The following ESRRB variants were observed in gnomAD, a reference collection of about 807,000 sequenced individuals.
The protein encoded by ESRRB is steroid hormone receptor ERR2.
Under a neutral mutation model 46.0 loss-of-function variants are expected in ESRRB, and 16 were observed. That is an observed-to-expected ratio of 0.35 (90% CI 0.24 to 0.53). The LOEUF is 0.53. Ranked by LOEUF, ESRRB falls within the 20% of genes least tolerant of loss-of-function variation. The pLI, the probability that ESRRB is intolerant of heterozygous loss-of-function variation, is 0.93. For synonymous variants in ESRRB, 246 were observed against 259.6 expected (o/e 0.95, Z 0.50); for missense variants, 488 against 607.4 (o/e 0.80, Z 2.07).
chr14:76,386,383 A>G (rs1382664223), intron 1 of ESRRB, among the ~76,000 whole-genome samples: 1 of 152,106 alleles, frequency 6.6e-6, no homozygotes, highest in Non-Finnish European at 1.5e-5. Flanking sequence ...GTCTGATAAG[A>G]AACACATTGC....
chr14:76,482,535 G>T lies in ESRRB; in HGVS notation c.689-63G>T. ...CAACTTTGCTTCCTGACCCATCTGA[G>T]CCTCCACCCCGGCCCCTTTCCTCTT... On this transcript the variant is annotated intron_variant, in intron 4 of 6. Transcript: ENST00000644823. This position sits in a 1 kb window ranked among gnomAD's most constrained non-coding sequence, Gnocchi z 4.3. 6.3e-7 allele frequency: 1 copy of T among 1,594,120 alleles called. No individual in the cohort carries two copies. Among genetic ancestry groups the T allele is most frequent in the Non-Finnish European group, 8.6e-7 (1 of 1,163,018 alleles).
intron 1 of ESRRB, among the ~76,000 whole-genome samples, chr14:76,332,760 A>T (rs756710154): frequency 5.0e-3 from 21 of 4,224 alleles, no homozygotes; most frequent in South Asian, 0.017. Flanking sequence ...ATTATATATA[A>T]ATATATAATA....
intron 1 of ESRRB, among the ~76,000 whole-genome samples, chr14:76,436,182 C>T (rs1310540536): frequency 5.3e-5 from 8 of 152,172 alleles, no homozygotes; most frequent in Non-Finnish European, 7.3e-5. Context: ...AGCAAACCGC[C>T]GCCTGCTCTG....
chr14:76,376,308 C>G lies in ESRRB; in HGVS notation c.-94C>G. Reference sequence around the variant, plus strand: ...CGTTCTCGCGCTCACTGTGCCCTGCCCGGGCTCGCACCTTGCCCGTGCCCT... The same window carrying G: ...CGTTCTCGCGCTCACTGTGCCCTGCGCGGGCTCGCACCTTGCCCGTGCCCT... On this transcript the variant is annotated 5_prime_UTR_variant, in exon 1 of 7. Coordinates refer to ENST00000644823, the MANE Select transcript of ESRRB (RefSeq NM_001379180.1). This position sits in a 1 kb window ranked among gnomAD's most constrained non-coding sequence, Gnocchi z 4.1. The G allele has an allele frequency of 5.9e-6, 6 of 1,009,778 alleles. No individual in the cohort carries two copies. Among genetic ancestry groups the G allele is most frequent in the Non-Finnish European group, 7.6e-6 (6 of 785,538 alleles). The allele number at this position is 1,009,778 out of a possible 1,614,324, so 62.6% of individuals were successfully genotyped here.
chr14:76,430,890 C>T (rs188638537), intron 1 of ESRRB, among the ~76,000 whole-genome samples: 17 of 152,336 alleles, frequency 1.1e-4, no homozygotes, highest in Middle Eastern at 3.4e-3. Context: ...GATTCTACCC[C>T]ATAGAGGAAA....
intron 1 of ESRRB, among the ~76,000 whole-genome samples, chr14:76,390,762 T>A (rs1885435388): frequency 6.6e-6 from 1 of 152,142 alleles, no homozygotes; most frequent in South Asian, 2.1e-4. Flanking sequence ...GTAAAAACCA[T>A]GAATTTTCCA....
chr14:76,350,131 C>A (rs1237157026), intron 1 of ESRRB, among the ~76,000 whole-genome samples: 1 of 152,120 alleles, frequency 6.6e-6, no homozygotes, highest in Non-Finnish European at 1.5e-5. Flanking sequence ...GGGGAGGTTC[C>A]CATGAAGGGC....
At chr14:76,398,502 A>G (rs1027492971) in intron 1 of ESRRB, among the ~76,000 whole-genome samples, 1 of 151,866 alleles carries the variant, frequency 6.6e-6, no homozygotes, top group African/African-American at 2.4e-5. Flanking sequence ...GCTGCTTACC[A>G]CCTTGTCACC....
intron 2 of ESRRB, among the ~76,000 whole-genome samples, chr14:76,460,697 C>A (rs1028173243): frequency 1.5e-5 from 2 of 133,856 alleles, no homozygotes; most frequent in Admixed American, 1.5e-4. Context: ...TTCATTTGTA[C>A]GTTCCAGTTA....
At chr14:76,455,336 A>G (rs961511513) in intron 2 of ESRRB, among the ~76,000 whole-genome samples, 6 of 152,174 alleles carry the variant, frequency 3.9e-5, no homozygotes, top group Admixed American at 3.3e-4. Context: ...TCATTTAGTA[A>G]TATTGTGATC....
chr14:76,353,646 T>C (rs1308433294), intron 1 of ESRRB, among the ~76,000 whole-genome samples: 2 of 152,178 alleles, frequency 1.3e-5, no homozygotes, highest in African/African-American at 2.4e-5. Context: ...GATTAGTGAC[T>C]TGTCCAAGAT....
intron 1 of ESRRB, among the ~76,000 whole-genome samples, chr14:76,337,063 G>T (rs1012507394): frequency 1.3e-5 from 2 of 152,048 alleles, no homozygotes; most frequent in Admixed American, 6.5e-5. Flanking sequence ...AAGTGCAAAG[G>T]CCCTGAGGTA....
intron 1 of ESRRB, among the ~76,000 whole-genome samples, chr14:76,356,753 A>C (rs1193860079): frequency 6.6e-6 from 1 of 152,232 alleles, no homozygotes; most frequent in Non-Finnish European, 1.5e-5. Flanking sequence ...GCAATGCATG[A>C]ATAAATAATC....
At chr14:76,489,553 T>C (rs1388678346) in intron 5 of ESRRB, among the ~76,000 whole-genome samples, 1 of 151,662 alleles carries the variant, frequency 6.6e-6, no homozygotes, top group Non-Finnish European at 1.5e-5. Context: ...GTCGGTGTAA[T>C]CACTCCTGCT....
At chr14:76,411,454 A>AC (rs1886438650) in intron 1 of ESRRB, among the ~76,000 whole-genome samples, 1 of 152,032 alleles carries the variant, frequency 6.6e-6, no homozygotes, top group African/African-American at 2.4e-5. Flanking sequence ...TCTTCCAAAA[A>AC]AAAAACAGGA....
intron 6 of ESRRB, among the ~76,000 whole-genome samples, chr14:76,493,459 G>T (rs1210658701): frequency 6.6e-6 from 1 of 152,176 alleles, no homozygotes; most frequent in Non-Finnish European, 1.5e-5. Context: ...CCAGCCCCAA[G>T]TGCTTTTGTG....
At chr14:76,391,583 T>C (rs114612686) in intron 1 of ESRRB, among the ~76,000 whole-genome samples, 1 of 152,314 alleles carries the variant, frequency 6.6e-6, no homozygotes, top group African/African-American at 2.4e-5. Flanking sequence ...GCGTTGAGAG[T>C]GAAGCCCTTC....
intron 1 of ESRRB, among the ~76,000 whole-genome samples, chr14:76,415,333 A>G (rs1886650609): frequency 6.6e-6 from 1 of 152,182 alleles, no homozygotes; most frequent in Non-Finnish European, 1.5e-5. Flanking sequence ...TACAGTGGTA[A>G]GCACTTAAAT....
Position 76,499,730 on chromosome 14 carries a change from G to A in ESRRB, c.*1272G>A. 2 of 801,488 alleles carry A rather than the reference G, an allele frequency of 2.5e-6. No individual in the cohort carries two copies. The highest frequency in any genetic ancestry group is 4.4e-6 in the Non-Finnish European group (2 of 459,154). 49.6% of individuals were successfully genotyped at this position (801,488 alleles called of 1,614,324 possible). ...GTAACCAACCGTCTTGGTTTGTCCA[G>A]GACGTTTCTTTATCCCAGGAAACTC... is the stretch of plus-strand genomic sequence containing the variant. On this transcript the variant is annotated 3_prime_UTR_variant, in exon 7 of 7. Coordinates refer to ENST00000644823, the MANE Select transcript of ESRRB (RefSeq NM_001379180.1).
Sources: gnomAD v4.1 joint callset for allele counts (sites outside exome capture counted in the v4.1 genomes callset) on GRCh38, gnomAD v4.1.1 for gene constraint, Gnocchi (gnomAD v3.1) non-coding constraint, MANE v1.5 for transcripts, NCBI Gene and HGNC (gene_info 2026-07-23, HGNC 2026-07-21) for gene names.